The following VSTM4 variants were observed in gnomAD, a reference collection of about 807,000 sequenced individuals.
The protein encoded by VSTM4 is V-set and transmembrane domain containing 4.
Under a neutral mutation model 36.4 loss-of-function variants are expected in VSTM4, and 20 were observed. The observed-to-expected ratio is 0.55, with a 90% confidence interval of 0.39 to 0.80. The LOEUF is 0.80. Ranked by LOEUF, VSTM4 falls within the 30% of genes least tolerant of loss-of-function variation. VSTM4 has a pLI of 0.00. For synonymous variants in VSTM4, 182 were observed against 173.9 expected (o/e 1.05, Z -0.37); for missense variants, 392 against 404.5 (o/e 0.97, Z 0.26).
chr10:49,018,940 T>C lies in VSTM4; in HGVS notation c.*710A>G, dbSNP rs1312917498. On this transcript the variant is annotated 3_prime_UTR_variant, in exon 8 of 8. Coordinates refer to ENST00000332853, the MANE Select transcript of VSTM4 (RefSeq NM_001031746.5). ...GTAAGCACTTCTTAGAGAGTGTGTT[T>C]CTCTATCAGTACAGGTCCACCTTGT... The C allele has an allele frequency of 1.3e-5, 2 of 152,266 alleles. No individual in the cohort carries two copies. The highest frequency in any genetic ancestry group is 2.9e-5 in the Non-Finnish European group (2 of 68,068). 9.4% of individuals were successfully genotyped at this position (152,266 alleles called of 1,614,324 possible).
At chr10:49,078,996 T>A (rs1330431996) in intron 3 of VSTM4, among the ~76,000 whole-genome samples, 1 of 152,096 alleles carries the variant, frequency 6.6e-6, no homozygotes, top group East Asian at 1.9e-4. Flanking sequence ...CACACCCAGC[T>A]AATTTTTGTA....
chr10:49,047,297 G>A (rs184657889), intron 6 of VSTM4, among the ~76,000 whole-genome samples: 13 of 152,306 alleles, frequency 8.5e-5, no homozygotes, highest in African/African-American at 3.1e-4. Flanking sequence ...CTACATGGAT[G>A]TCAGGTGTGC....
At chr10:49,101,615 G>C (rs993087667) in intron 2 of VSTM4, among the ~76,000 whole-genome samples, 5 of 152,178 alleles carry the variant, frequency 3.3e-5, no homozygotes, top group Non-Finnish European at 7.3e-5. Context: ...TGTTAAAGAG[G>C]CTTCAGGGAA....
chr10:49,070,921 C>T (rs1209314817), intron 4 of VSTM4, among the ~76,000 whole-genome samples: 4 of 152,220 alleles, frequency 2.6e-5, no homozygotes, highest in African/African-American at 9.6e-5. Flanking sequence ...TCATCCACAG[C>T]CACCCCATTC....
chr10:49,113,472 C>T (rs1181524210), intron 1 of VSTM4, among the ~76,000 whole-genome samples: 1 of 152,186 alleles, frequency 6.6e-6, no homozygotes, highest in Non-Finnish European at 1.5e-5. Context: ...TATCCTGATA[C>T]TCTGTTTATT....
intron 2 of VSTM4, among the ~76,000 whole-genome samples, chr10:49,105,434 G>C (rs946669039): frequency 5.3e-5 from 8 of 151,934 alleles, no homozygotes; most frequent in African/African-American, 1.9e-4. Flanking sequence ...GACAGACAGA[G>C]AGAGAGGAAA....
At chr10:49,111,511 T>G (rs760500963) in intron 1 of VSTM4, among the ~76,000 whole-genome samples, 10 of 152,190 alleles carry the variant, frequency 6.6e-5, no homozygotes, top group Non-Finnish European at 1.3e-4. Context: ...ACCAGGTAGA[T>G]GATGGAGCAG....
At chr10:49,041,950 T>A (rs112612393) in intron 7 of VSTM4, among the ~76,000 whole-genome samples, 2 of 152,230 alleles carry the variant, frequency 1.3e-5, no homozygotes, top group Non-Finnish European at 2.9e-5. Flanking sequence ...AGAAACAATA[T>A]GTCCTGAGTA....
chr10:49,091,214 G>T (rs1844467765), intron 2 of VSTM4, among the ~76,000 whole-genome samples: 1 of 152,240 alleles, frequency 6.6e-6, no homozygotes, highest in African/African-American at 2.4e-5. Context: ...CTTTGTCATT[G>T]CCTTGGGACC....
chr10:49,039,912 C>T (rs1743082318), intron 7 of VSTM4, among the ~76,000 whole-genome samples: 1 of 152,206 alleles, frequency 6.6e-6, no homozygotes. Context: ...AAATGTACTT[C>T]TGGCTTTCTC....
rs913780514 is a variant in VSTM4, at chr10:49,019,785, A to G, written c.838-10T>C. ...CCTCAGCAATCTTTGGCTATAAAAGAAAAAACAAAACAAAACACAATTCTA... is the reference window on the plus strand; with the variant it reads ...CCTCAGCAATCTTTGGCTATAAAAGGAAAAACAAAACAAAACACAATTCTA... On this transcript the variant is annotated splice_polypyrimidine_tract_variant and intron_variant, in intron 7 of 7. Coordinates refer to ENST00000332853, the MANE Select transcript of VSTM4 (RefSeq NM_001031746.5). 6.2e-6 allele frequency: 10 copies of G among 1,607,450 alleles called. No individual in the cohort carries two copies. The highest frequency in any genetic ancestry group is 7.7e-6 in the Non-Finnish European group (9 of 1,176,420).
At chr10:49,107,133 C>A (rs1246397589) in intron 2 of VSTM4, among the ~76,000 whole-genome samples, 1 of 152,238 alleles carries the variant, frequency 6.6e-6, no homozygotes, top group African/African-American at 2.4e-5. Context: ...CACTCACCCC[C>A]ACTCACTCAT....
intron 4 of VSTM4, 50 bp from the exon 5 acceptor site, chr10:49,064,786 A>G: frequency 6.3e-7 from 1 of 1,578,684 alleles, no homozygotes; most frequent in Middle Eastern, 1.7e-4. Context: ...TACTTCAGAT[A>G]TATATGCTCC....
At chr10:49,020,857 G>T (rs1473082013) in intron 7 of VSTM4, among the ~76,000 whole-genome samples, 9 of 152,042 alleles carry the variant, frequency 5.9e-5, no homozygotes. Flanking sequence ...CAGAGAGAAT[G>T]AAGTACATTA....
At chr10:49,069,683 C>T (rs533027124) in intron 4 of VSTM4, among the ~76,000 whole-genome samples, 13 of 152,306 alleles carry the variant, frequency 8.5e-5, no homozygotes, top group East Asian at 3.9e-4. Context: ...TCCAGGCCTA[C>T]AGTTATAAGG....
chr10:49,034,366 T>C (rs1843395606), intron 7 of VSTM4, among the ~76,000 whole-genome samples: 1 of 152,230 alleles, frequency 6.6e-6, no homozygotes, highest in African/African-American at 2.4e-5. Context: ...GCAGTAGGTA[T>C]GCCTGATTAT....
chr10:49,052,549 T>C (rs1481472864), intron 5 of VSTM4, among the ~76,000 whole-genome samples: 6 of 15,200 alleles, frequency 3.9e-4, no homozygotes, highest in African/African-American at 4.2e-4. Context: ...GACATATTTA[T>C]TGAAAAATAT....
At chr10:49,106,182 A>G (rs1252191722) in intron 2 of VSTM4, among the ~76,000 whole-genome samples, 2 of 152,278 alleles carry the variant, frequency 1.3e-5, no homozygotes, top group Non-Finnish European at 2.9e-5. Flanking sequence ...CATATAGGAC[A>G]TTAAAAATAC....
At chr10:49,104,924 CAG>C (rs752052592) in intron 2 of VSTM4, among the ~76,000 whole-genome samples, 13 of 138,068 alleles carry the variant, frequency 9.4e-5, no homozygotes, top group African/African-American at 2.7e-4. Flanking sequence ...GAAGGAAAGA[CAG>C]AGAAACAGTG....
Sources: allele counts gnomAD v4.1 joint callset (sites outside exome capture counted in the v4.1 genomes callset), GRCh38; gene constraint gnomAD v4.1.1; transcripts MANE v1.5; gene names NCBI Gene and HGNC (gene_info 2026-07-23, HGNC 2026-07-21).